The following MEI4 variants were observed in gnomAD, a reference collection of about 807,000 sequenced individuals.
The protein encoded by MEI4 is meiosis-specific protein MEI4.
In MEI4, 27 loss-of-function variants were observed where a neutral mutation model predicts 31.4. The observed-to-expected ratio is 0.86, with a 90% CI of 0.63 to 1.19. The LOEUF (loss-of-function observed/expected upper bound fraction) is 1.19. Ranked by LOEUF, MEI4 falls within the 50% of genes most tolerant of loss-of-function variation. The probability of loss-of-function intolerance (pLI) is 0.00; values close to 1 mark genes in which losing one functional copy is unlikely to be tolerated. For missense variants in MEI4, 329 were observed against 398.9 expected, an observed-to-expected ratio of 0.82 and a Z score of 1.49; for synonymous variants, 122 against 145.4, an observed-to-expected ratio of 0.84 and a Z score of 1.16.
intron 2 of MEI4, among the ~76,000 whole-genome samples, chr6:77,706,545 C>G (rs1054333673): frequency 1.3e-5 from 2 of 152,108 alleles, no homozygotes; most frequent in African/African-American, 4.8e-5. Context: ...AATCTGTTAT[C>G]TTTTTCTCCT....
chr6:77,714,742 G>A (rs1435182468), intron 2 of MEI4, among the ~76,000 whole-genome samples: 2 of 152,030 alleles, frequency 1.3e-5, no homozygotes, highest in East Asian at 3.9e-4. Flanking sequence ...CCACACCATT[G>A]CTTGGTGCCC....
Position 77,907,155 on chromosome 6 carries a change from A to T in MEI4, c.901-15934A>T, listed in dbSNP as rs560794126. On this transcript the variant is annotated intron_variant, in intron 4 of 4. Coordinates refer to ENST00000684080, the MANE Select transcript of MEI4 (RefSeq NM_001322247.2). ...ATTACTAGCCATTTTTTTTAAATAT[A>T]CTTTGAGTTTTAGGGTACATGTGCA... 1.4e-3 allele frequency among the ~76,000 whole-genome samples: 213 copies of T among 152,108 alleles called. 1 individual carries two copies. Among genetic ancestry groups the T allele is most frequent in the African/African-American group, 4.5e-3 (187 of 41,488 alleles).
chr6:77,846,434 C>T (rs1770488693), intron 4 of MEI4, among the ~76,000 whole-genome samples: 1 of 151,954 alleles, frequency 6.6e-6, no homozygotes, highest in Non-Finnish European at 1.5e-5. Context: ...TCTGGTTATT[C>T]TCGTTTCTTT....
At chr6:77,911,689 T>A (rs1766438118) in intron 4 of MEI4, among the ~76,000 whole-genome samples, 1 of 149,026 alleles carries the variant, frequency 6.7e-6, no homozygotes, top group Non-Finnish European at 1.5e-5. Context: ...ATATATATAA[T>A]GCATATATTA....
intron 4 of MEI4, among the ~76,000 whole-genome samples, chr6:77,842,880 AT>A (rs1388663019): frequency 6.6e-6 from 1 of 152,100 alleles, no homozygotes; most frequent in Non-Finnish European, 1.5e-5. Flanking sequence ...TCAGGAAGAA[AT>A]AGGTAACCTT....
chr6:77,783,922 A>G (rs1251727458), intron 3 of MEI4, among the ~76,000 whole-genome samples: 1 of 146,116 alleles, frequency 6.8e-6, no homozygotes, highest in Non-Finnish European at 1.5e-5. Context: ...TTGGAGAATA[A>G]TACTGAATAT....
Position 77,690,653 on chromosome 6 carries a change from G to A in MEI4, c.-14-5G>A. Reference sequence around the variant, plus strand: ...TTCTATAACTTTTTTCTTATTAAATGATAGGGACAAAAGCCAGGATGGATG... The same window carrying A: ...TTCTATAACTTTTTTCTTATTAAATAATAGGGACAAAAGCCAGGATGGATG... On this transcript the variant is annotated splice_region_variant and splice_polypyrimidine_tract_variant and intron_variant, in intron 1 of 4. Coordinates refer to ENST00000684080, the MANE Select transcript of MEI4 (RefSeq NM_001322247.2). 8.3e-7 allele frequency: 1 copy of A among 1,201,522 alleles called. No homozygotes were observed. Among genetic ancestry groups the A allele is most frequent in the Non-Finnish European group, 1.0e-6 (1 of 960,252 alleles). 74.4% of individuals were successfully genotyped at this position (1,201,522 alleles called of 1,614,324 possible).
chr6:77,677,011 T>A (rs1371964603), intron 1 of MEI4, among the ~76,000 whole-genome samples: 1 of 152,104 alleles, frequency 6.6e-6, no homozygotes, highest in Non-Finnish European at 1.5e-5. Flanking sequence ...TCATTGTAGG[T>A]AAAAATACAA....
intron 2 of MEI4, among the ~76,000 whole-genome samples, chr6:77,744,164 C>G (rs1050091173): frequency 9.9e-5 from 15 of 152,130 alleles, no homozygotes; most frequent in African/African-American, 3.6e-4. Context: ...GACGATCAAA[C>G]TACTCCGAGC....
intron 4 of MEI4, among the ~76,000 whole-genome samples, chr6:77,907,089 T>A (rs1475786927): frequency 4.6e-5 from 7 of 151,978 alleles, no homozygotes; most frequent in Non-Finnish European, 1.5e-5. Flanking sequence ...AATAGCAAGA[T>A]TTTTTTCACT....
At chr6:77,859,220 G>C (rs1235326550) in intron 4 of MEI4, among the ~76,000 whole-genome samples, 2 of 152,112 alleles carry the variant, frequency 1.3e-5, no homozygotes, top group African/African-American at 4.8e-5. Context: ...TGGCTGCATA[G>C]TATTCCATAC....
upstream of MEI4, among the ~76,000 whole-genome samples, chr6:77,652,255 AC>A (rs1768312105): frequency 6.6e-6 from 1 of 152,228 alleles, no homozygotes; most frequent in Non-Finnish European, 1.5e-5. Flanking sequence ...GGAAAATTAG[AC>A]ACATTTTAAA....
At chr6:77,669,045 A>C (rs1050837368) in intron 1 of MEI4, among the ~76,000 whole-genome samples, 16 of 152,202 alleles carry the variant, frequency 1.1e-4, no homozygotes, top group African/African-American at 3.6e-4. Flanking sequence ...AGACTTCAGC[A>C]TACAGATGCA....
intron 4 of MEI4, among the ~76,000 whole-genome samples, chr6:77,915,372 T>A (rs1327314122): frequency 6.6e-6 from 1 of 152,102 alleles, no homozygotes; most frequent in Non-Finnish European, 1.5e-5. Flanking sequence ...AAATACTTAA[T>A]TTCTCTTTAT....
In MEI4 at chr6:77,812,634, T is replaced by C. The variant is rs141848909; in HGVS notation, c.769-16297T>C. ...CTTGATGGTGGAGGGCTGGAGAGCT[T>C]AGGTAAATATCAGGATGCTTAGACT... On this transcript the variant is annotated intron_variant, in intron 3 of 4. Transcript: ENST00000684080. Among the ~76,000 whole-genome samples the C allele has an allele frequency of 4.3e-3, 659 of 152,110 alleles. 5 individuals carry two copies. Among genetic ancestry groups the C allele is most frequent in the African/African-American group, 0.015 (631 of 41,514 alleles).
chr6:77,782,136 T>C (rs990012802), intron 3 of MEI4, among the ~76,000 whole-genome samples: 1 of 152,158 alleles, frequency 6.6e-6, no homozygotes, highest in Non-Finnish European at 1.5e-5. Flanking sequence ...TGGAATGTTG[T>C]GAATGCAGCT....
chr6:77,650,490 C>G (rs2127639379), upstream of MEI4, among the ~76,000 whole-genome samples: 1 of 152,346 alleles, frequency 6.6e-6, no homozygotes, highest in Non-Finnish European at 1.5e-5. Context: ...CACGTGGAAC[C>G]CCGCCCCTGG....
intron 2 of MEI4, among the ~76,000 whole-genome samples, chr6:77,739,710 G>T (rs1190424669): frequency 2.0e-5 from 3 of 151,770 alleles, no homozygotes; most frequent in Non-Finnish European, 4.4e-5. Flanking sequence ...TTCTGCACAT[G>T]TATCCCAGAA....
chr6:77,697,905 C>A (rs905023532), intron 2 of MEI4, among the ~76,000 whole-genome samples: 2 of 152,100 alleles, frequency 1.3e-5, no homozygotes, highest in African/African-American at 4.8e-5. Flanking sequence ...GAGACTAAGT[C>A]TCTTTGTAGG....
Sources: gnomAD v4.1 joint callset for allele counts (sites outside exome capture counted in the v4.1 genomes callset) on GRCh38, gnomAD v4.1.1 for gene constraint, MANE v1.5 for transcripts, NCBI Gene and HGNC (gene_info 2026-07-23, HGNC 2026-07-21) for gene names.